The following INPP4B variants were observed in gnomAD, a reference collection of about 807,000 sequenced individuals.
The protein encoded by INPP4B is inositol polyphosphate 4-phosphatase type II.
In INPP4B, 55 loss-of-function variants were observed where a neutral mutation model predicts 122.5. The ratio of observed to expected loss-of-function variants is 0.45; its 90% CI spans 0.36 to 0.56. The LOEUF is 0.56. INPP4B is among the 20% of genes least tolerant of loss of function. The pLI, the probability that INPP4B is intolerant of heterozygous loss-of-function variation, is 0.00. For synonymous variants in INPP4B, 403 were observed against 388.7 expected (o/e 1.04, Z -0.43); for missense variants, 1,000 against 1,097.7 (o/e 0.91, Z 1.26).
chr4:142,610,555 C>T (rs574022318), intron 2 of INPP4B, among the ~76,000 whole-genome samples: 41 of 152,146 alleles, frequency 2.7e-4, no homozygotes, highest in African/African-American at 9.4e-4. Context: ...ACAGCATATG[C>T]TTTTCATATT....
intron 9 of INPP4B, among the ~76,000 whole-genome samples, chr4:142,273,458 T>C (rs541994324): frequency 2.6e-4 from 40 of 152,044 alleles, no homozygotes; most frequent in African/African-American, 9.1e-4. Flanking sequence ...AAGAGGATGT[T>C]ATGATGTTTA....
intron 15 of INPP4B, among the ~76,000 whole-genome samples, chr4:142,181,295 C>T (rs1830641553): frequency 6.6e-6 from 1 of 151,964 alleles, no homozygotes; most frequent in African/African-American, 2.4e-5. Flanking sequence ...TCTGAGATTG[C>T]AGAATGTTTT....
intron 10 of INPP4B, among the ~76,000 whole-genome samples, chr4:142,264,723 T>C (rs1382340333): frequency 6.6e-6 from 1 of 152,218 alleles, no homozygotes; most frequent in Non-Finnish European, 1.5e-5. Flanking sequence ...GATTAAAATG[T>C]AGTATTTTAT....
intron 1 of INPP4B, among the ~76,000 whole-genome samples, chr4:142,829,091 T>A (rs2151176858): frequency 6.7e-6 from 1 of 149,838 alleles, no homozygotes; most frequent in African/African-American, 2.5e-5. Flanking sequence ...TAACTATGCA[T>A]GAAGTGCCCA....
chr4:142,837,026 C>T (rs1581027892), intron 1 of INPP4B, among the ~76,000 whole-genome samples: 1 of 151,966 alleles, frequency 6.6e-6, no homozygotes, highest in South Asian at 2.1e-4. Flanking sequence ...GTTAGCAGGG[C>T]GTGGTGGCAC....
At chr4:142,566,875 A>G (rs1397449447) in intron 2 of INPP4B, among the ~76,000 whole-genome samples, 3 of 152,194 alleles carry the variant, frequency 2.0e-5, no homozygotes, top group Admixed American at 2.0e-4. Flanking sequence ...TAAAAAAGCA[A>G]AAGAATAAGT....
intron 8 of INPP4B, among the ~76,000 whole-genome samples, chr4:142,307,077 GA>G (rs901196205): frequency 3.0e-4 from 46 of 152,176 alleles, no homozygotes; most frequent in African/African-American, 1.1e-3. Flanking sequence ...TAGATTTGTG[GA>G]AACAAGCTCT....
At position 142,291,166 on chromosome 4, in the gene INPP4B, C is replaced by A. The variant is rs1185136553; in HGVS notation, c.503+14292G>T. Among the ~76,000 whole-genome samples the A allele has an allele frequency of 2.0e-5, 3 of 152,200 alleles. No homozygotes were observed. In the East Asian group the frequency reaches 5.8e-4, roughly 29 times the overall value. On this transcript the variant is annotated intron_variant, in intron 9 of 25. Coordinates refer to ENST00000262992, the MANE Select transcript of INPP4B (RefSeq NM_001101669.3). ...TACCCGATAAAGACCAAAAGCTTTTCCTTATATAATTCATTAATCATGTCT... is the reference window on the plus strand; with the variant it reads ...TACCCGATAAAGACCAAAAGCTTTTACTTATATAATTCATTAATCATGTCT...
At chr4:142,475,650 A>G (rs1219647540) in intron 2 of INPP4B, among the ~76,000 whole-genome samples, 1 of 152,206 alleles carries the variant, frequency 6.6e-6, no homozygotes, top group South Asian at 2.1e-4. Context: ...AGAAAGAACC[A>G]AACTGAGCTG....
intron 2 of INPP4B, among the ~76,000 whole-genome samples, chr4:142,539,206 A>T (rs1246421796): frequency 6.6e-6 from 1 of 151,520 alleles, no homozygotes. Flanking sequence ...AGAAAGTCAA[A>T]AACAGTCAGA....
chr4:142,718,473 T>C (rs373646960), intron 2 of INPP4B, among the ~76,000 whole-genome samples: 1 of 152,262 alleles, frequency 6.6e-6, no homozygotes. Flanking sequence ...GAGAGTTAAG[T>C]ATGGGAAGCA....
chr4:142,238,369 G>T (rs1370465911), intron 11 of INPP4B, among the ~76,000 whole-genome samples: 1 of 151,928 alleles, frequency 6.6e-6, no homozygotes, highest in East Asian at 1.9e-4. Flanking sequence ...GTTTTATAAA[G>T]TGTATGTGTC....
chr4:142,759,825 T>TAAAAAAAAAAAAAAAAAAAAAA (rs70949188), intron 1 of INPP4B, among the ~76,000 whole-genome samples: 5 of 70,044 alleles, frequency 7.1e-5, no homozygotes, highest in African/African-American at 2.8e-4. Context: ...GAGCTTTTTC[T>TAAAAAAAAAAAAAAAAAAAAAA]AAAAAAAAAA....
intron 2 of INPP4B, chr4:142,660,792 C>T (rs1318683357): frequency 2.0e-5 from 3 of 152,488 alleles, no homozygotes; most frequent in Non-Finnish European, 2.9e-5. Context: ...GGCCATCAAA[C>T]TCCAAACAGT....
At chr4:142,540,363 C>T (rs1248395157) in intron 2 of INPP4B, among the ~76,000 whole-genome samples, 1 of 151,660 alleles carries the variant, frequency 6.6e-6, no homozygotes, top group African/African-American at 2.4e-5. Context: ...TCAATGAAAC[C>T]TTCCTGTGGA....
At chr4:142,030,208 C>T (rs534382762) in intron 25 of INPP4B, 192 of 1,535,336 alleles carry the variant, frequency 1.3e-4, no homozygotes, top group Middle Eastern at 3.3e-4. Context: ...AGCAGCAAGG[C>T]GACAGGATAG....
At chr4:142,585,565 C>G (rs1735981361) in intron 2 of INPP4B, among the ~76,000 whole-genome samples, 1 of 152,126 alleles carries the variant, frequency 6.6e-6, no homozygotes, top group Admixed American at 6.6e-5. Flanking sequence ...GCCCACAGGA[C>G]AAGTAGTCAT....
At chr4:142,505,606 A>G (rs941079830) in intron 2 of INPP4B, among the ~76,000 whole-genome samples, 6 of 152,204 alleles carry the variant, frequency 3.9e-5, no homozygotes, top group Non-Finnish European at 5.9e-5. Context: ...ACATAGTAAG[A>G]GCTCAATAAA....
intron 1 of INPP4B, among the ~76,000 whole-genome samples, chr4:142,829,170 A>T (rs1243850753): frequency 1.3e-5 from 2 of 151,844 alleles, no homozygotes; most frequent in African/African-American, 4.8e-5. Flanking sequence ...ACAAGTTTGA[A>T]GAGAAAAGAA....
Sources: gnomAD v4.1 joint callset for allele counts (sites outside exome capture counted in the v4.1 genomes callset) on GRCh38, gnomAD v4.1.1 for gene constraint, MANE v1.5 for transcripts, NCBI Gene and HGNC (gene_info 2026-07-23, HGNC 2026-07-21) for gene names.